The following ZNF804A variants were observed in gnomAD, a reference collection of about 807,000 sequenced individuals.
ZNF804A encodes zinc finger protein 804A.
In ZNF804A, 2 loss-of-function variants were observed where a neutral mutation model predicts 16.5. That is an observed-to-expected ratio of 0.12 (90% CI 0.05 to 0.38). The LOEUF (loss-of-function observed/expected upper bound fraction) is 0.38. Ranked by LOEUF, ZNF804A falls within the 10% of genes least tolerant of loss-of-function variation. ZNF804A has a pLI of 0.99. For missense variants in ZNF804A, 1,473 were observed against 1,390.7 expected, an observed-to-expected ratio of 1.06 and a Z score of -0.94; for synonymous variants, 534 against 489.6, an observed-to-expected ratio of 1.09 and a Z score of -1.20.
At chr2:184,729,801 T>C (rs536476267) in intron 1 of ZNF804A, among the ~76,000 whole-genome samples, 1 of 152,118 alleles carries the variant, frequency 6.6e-6, no homozygotes, top group Non-Finnish European at 1.5e-5. Flanking sequence ...CACTATAGTC[T>C]CTGGCCAAGC....
chr2:184,742,164 G>A (rs548832987), intron 1 of ZNF804A, among the ~76,000 whole-genome samples: 2 of 151,940 alleles, frequency 1.3e-5, no homozygotes, highest in South Asian at 2.1e-4. Context: ...TAATCATTTA[G>A]TCTCGGATAT....
chr2:184,643,812 A>T (rs1464026970), intron 1 of ZNF804A, among the ~76,000 whole-genome samples: 1 of 151,448 alleles, frequency 6.6e-6, no homozygotes, highest in African/African-American at 2.4e-5. Flanking sequence ...ATATAATATA[A>T]AGTATAAAAT....
intron 1 of ZNF804A, among the ~76,000 whole-genome samples, chr2:184,844,189 T>G (rs1362304128): frequency 6.6e-6 from 1 of 150,760 alleles, no homozygotes; most frequent in Non-Finnish European, 1.5e-5. Flanking sequence ...CCCCCATTTC[T>G]TCTTAAATTG....
chr2:184,777,383 AT>A (rs929527047), intron 1 of ZNF804A, among the ~76,000 whole-genome samples: 5 of 151,674 alleles, frequency 3.3e-5, no homozygotes, highest in African/African-American at 1.2e-4. Flanking sequence ...CAGGCTTTAA[AT>A]ATGTTTTCCA....
chr2:184,647,236 C>A (rs1691893344), intron 1 of ZNF804A, among the ~76,000 whole-genome samples: 1 of 152,030 alleles, frequency 6.6e-6, no homozygotes, highest in Non-Finnish European at 1.5e-5. Context: ...TGGGGGTGGG[C>A]AAAGAAAAAC....
chr2:184,721,411 G>A (rs1019035365), intron 1 of ZNF804A, among the ~76,000 whole-genome samples: 5 of 151,866 alleles, frequency 3.3e-5, no homozygotes, highest in Non-Finnish European at 7.4e-5. Context: ...ATAAATAAAA[G>A]TGAGCAAAGG....
intron 1 of ZNF804A, among the ~76,000 whole-genome samples, chr2:184,839,667 C>T (rs1416891051): frequency 6.6e-6 from 1 of 152,032 alleles, no homozygotes; most frequent in African/African-American, 2.4e-5. Flanking sequence ...TGTTCAGTAG[C>T]CTCATTATCC....
intron 1 of ZNF804A, among the ~76,000 whole-genome samples, chr2:184,713,789 T>C (rs1693172006): frequency 6.6e-6 from 1 of 151,998 alleles, no homozygotes; most frequent in Non-Finnish European, 1.5e-5. Context: ...ATGCTGCCTT[T>C]TGTATTAAAA....
At chr2:184,864,875 A>ATTTTT (rs34114485) in intron 1 of ZNF804A, among the ~76,000 whole-genome samples, 1,395 of 105,410 alleles carry the variant, frequency 0.013, 48 homozygotes, top group Non-Finnish European at 0.017. Context: ...TATAGTTAGG[A>ATTTTT]TTTTTTTTTT....
At chr2:184,738,125 TAAA>T (rs375979448) in intron 1 of ZNF804A, among the ~76,000 whole-genome samples, 4 of 113,968 alleles carry the variant, frequency 3.5e-5, no homozygotes, top group Non-Finnish European at 3.8e-5. Context: ...GAACTTTGTC[TAAA>T]AAAAAAAAAA....
intron 1 of ZNF804A, among the ~76,000 whole-genome samples, chr2:184,840,647 C>A (rs1695422515): frequency 6.6e-6 from 1 of 151,888 alleles, no homozygotes; most frequent in Non-Finnish European, 1.5e-5. Flanking sequence ...ATTTACTGAC[C>A]CCCTTATTTA....
chr2:184,725,488 T>C (rs1693395367), intron 1 of ZNF804A, among the ~76,000 whole-genome samples: 1 of 151,674 alleles, frequency 6.6e-6, no homozygotes, highest in African/African-American at 2.4e-5. Flanking sequence ...ACTGCACAAC[T>C]TGTTTGTAAT....
intron 1 of ZNF804A, among the ~76,000 whole-genome samples, chr2:184,807,405 T>C (rs1204872798): frequency 6.6e-6 from 1 of 151,806 alleles, no homozygotes; most frequent in Non-Finnish European, 1.5e-5. Flanking sequence ...TGTGAAGGGA[T>C]AGATGAAGCT....
intron 1 of ZNF804A, among the ~76,000 whole-genome samples, chr2:184,684,357 T>G (rs1259043317): frequency 6.6e-6 from 1 of 152,208 alleles, no homozygotes; most frequent in Non-Finnish European, 1.5e-5. Flanking sequence ...GATTTCTCTG[T>G]TAATAACTAC....
chr2:184,936,884 A>T lies in ZNF804A; in HGVS notation c.1488A>T (p.Pro496=). The T allele has an allele frequency of 6.2e-7, 1 of 1,613,606 alleles. No homozygotes were observed. The highest frequency in any genetic ancestry group is 8.5e-7 in the Non-Finnish European group (1 of 1,179,768). Residue 496 remains proline (P), a synonymous_variant, in exon 4 of 4, where the codon CCA becomes CCT. Transcript: ENST00000302277. ...AGCAGGAAGACATTTGCATGGGACC[A>T]CTTTCAGATTACAAGGATGTATCTA... The part of the protein sequence containing the change: ...QQKQEDICMG[P]LSDYKDVSTE...
At chr2:184,769,986 A>T (rs1367796143) in intron 1 of ZNF804A, among the ~76,000 whole-genome samples, 1 of 152,134 alleles carries the variant, frequency 6.6e-6, no homozygotes, top group Admixed American at 6.6e-5. Flanking sequence ...TAAATATTTT[A>T]AAGTTATAAT....
chr2:184,738,146 A>C (rs1432525719), intron 1 of ZNF804A, among the ~76,000 whole-genome samples: 1 of 151,932 alleles, frequency 6.6e-6, no homozygotes, highest in Admixed American at 6.6e-5. Flanking sequence ...AAAAAAGAAA[A>C]TATCAGATCT....
In ZNF804A at chr2:184,936,815, A is replaced by G. The variant is rs1223425101; in HGVS notation, c.1419A>G (p.Leu473=). 1 of 1,612,920 alleles carries G rather than the reference A, an allele frequency of 6.2e-7. No homozygotes were observed. The highest frequency in any genetic ancestry group is 1.3e-5 in the African/African-American group (1 of 74,838). Residue 473 remains leucine (L), a synonymous_variant, in exon 4 of 4, where the codon CTA becomes CTG. Coordinates refer to ENST00000302277, the MANE Select transcript of ZNF804A (RefSeq NM_194250.2). ...DFKSTKVNNN[L]DKNKPDLKDL... is the part of the protein sequence containing the mutation. ...AGTCTACTAAAGTAAATAATAATCT[A>G]GATAAAAATAAGCCAGACTTAAAAG...
At chr2:184,689,211 G>A (rs1041087892) in intron 1 of ZNF804A, among the ~76,000 whole-genome samples, 1 of 152,032 alleles carries the variant, frequency 6.6e-6, no homozygotes, top group Non-Finnish European at 1.5e-5. Flanking sequence ...CCAGCCATCA[G>A]AAATATTGAT....
Sources: gnomAD v4.1 joint callset for allele counts (sites outside exome capture counted in the v4.1 genomes callset) on GRCh38, gnomAD v4.1.1 for gene constraint, MANE v1.5 for transcripts, NCBI Gene and HGNC (gene_info 2026-07-23, HGNC 2026-07-21) for gene names.